The following GPR139 variants were observed in gnomAD, a reference collection of about 807,000 sequenced individuals.
GPR139 encodes the protein G protein-coupled receptor 139.
A neutral mutation model predicts 25.8 loss-of-function variants in GPR139; 12 were observed. The observed-to-expected ratio is 0.47, with a 90% confidence interval of 0.30 to 0.75. The LOEUF is 0.75. Among genes scored for constraint, GPR139 ranks in the 30% least tolerant of loss-of-function variants. The pLI is 0.07. For synonymous variants in GPR139, 184 were observed against 179.9 expected (o/e 1.02, Z -0.18); for missense variants, 380 against 450.2 (o/e 0.84, Z 1.41).
At position 20,029,989 on chromosome 16, in the gene GPR139, C is replaced by G. The variant is rs903900191; in HGVS notation, c.*1746G>C. 2.6e-5 allele frequency among the ~76,000 whole-genome samples: 4 copies of G among 152,122 alleles called. No individual in the cohort carries two copies. The highest frequency in any genetic ancestry group is 9.7e-5 in the African/African-American group (4 of 41,428). On this transcript the variant is annotated 3_prime_UTR_variant, in exon 2 of 2. Coordinates refer to ENST00000570682, the MANE Select transcript of GPR139 (RefSeq NM_001002911.4). The stretch of plus-strand genomic sequence containing the variant: ...TAACTTTGGCTCTGTAAGGTTTTAT[C>G]TTTTGCACTGACTTTAGAATCTAAT...
At chr16:20,058,881 G>A (rs545231375) in intron 1 of GPR139, among the ~76,000 whole-genome samples, 3 of 152,164 alleles carry the variant, frequency 2.0e-5, no homozygotes, top group Non-Finnish European at 4.4e-5. Context: ...CCACTGCTAC[G>A]ACTGGGAGGA....
intron 1 of GPR139, among the ~76,000 whole-genome samples, chr16:20,051,843 A>G (rs1176861990): frequency 2.0e-5 from 3 of 152,116 alleles, no homozygotes; most frequent in Admixed American, 1.3e-4. Flanking sequence ...TGTCACAGAG[A>G]AAAAGAAGCA....
chr16:20,052,146 G>A (rs56185318), intron 1 of GPR139, among the ~76,000 whole-genome samples: 80,811 of 151,974 alleles, frequency 0.53, 21,672 homozygotes, highest in South Asian at 0.62. Flanking sequence ...CTTTGCCTAC[G>A]CAGTTCTCTC....
intron 1 of GPR139, among the ~76,000 whole-genome samples, chr16:20,065,955 A>G (rs969537606): frequency 1.3e-5 from 2 of 152,006 alleles, no homozygotes; most frequent in African/African-American, 2.4e-5. Flanking sequence ...AGTAAGCACT[A>G]TAAGTGTGTC....
Position 20,072,884 on chromosome 16 carries a change from G to A in GPR139, c.127+606C>T, listed in dbSNP as rs145735010. 1.7e-3 allele frequency among the ~76,000 whole-genome samples: 255 copies of A among 152,316 alleles called. 4 individuals are homozygous for A. Among genetic ancestry groups the A allele is most frequent in the African/African-American group, 5.8e-3 (242 of 41,574 alleles). On this transcript the variant is annotated intron_variant, in intron 1 of 1. Transcript: ENST00000570682. ...TCTCTGCACCCTTGCCCTGGCCAGG[G>A]CATGGTCCCAGAGCCAACCCCTGAT... is the stretch of plus-strand genomic sequence containing the variant.
intron 1 of GPR139, among the ~76,000 whole-genome samples, chr16:20,035,789 A>G (rs1258800390): frequency 1.3e-5 from 2 of 152,198 alleles, no homozygotes; most frequent in African/African-American, 2.4e-5. Flanking sequence ...AAGTATGAAG[A>G]GTTGGGTTTA....
chr16:20,036,865 A>G (rs1000101837), intron 1 of GPR139, among the ~76,000 whole-genome samples: 1 of 152,168 alleles, frequency 6.6e-6, no homozygotes, highest in African/African-American at 2.4e-5. Flanking sequence ...GAAGTGTGGA[A>G]TGGATGGTAG....
chr16:20,055,690 AC>A (rs1254850311), intron 1 of GPR139, among the ~76,000 whole-genome samples: 13 of 152,360 alleles, frequency 8.5e-5, no homozygotes, highest in African/African-American at 3.1e-4. Context: ...ATTTCAGAAG[AC>A]AGAGATGACT....
intron 1 of GPR139, among the ~76,000 whole-genome samples, chr16:20,041,650 C>T (rs181463583): frequency 3.5e-4 from 54 of 152,198 alleles, no homozygotes; most frequent in African/African-American, 1.1e-3. Context: ...CCAGGAGGTT[C>T]GGTGTTGAGT....
chr16:20,072,978 AAG>A (rs1475210618), intron 1 of GPR139, among the ~76,000 whole-genome samples: 1 of 152,148 alleles, frequency 6.6e-6, no homozygotes, highest in Non-Finnish European at 1.5e-5. Flanking sequence ...CCCCCCGAGC[AAG>A]AGAGTGCTCA....
chr16:20,032,810 G>T, intron 1 of GPR139, 141 bp from the exon 2 acceptor site: 1 of 617,162 alleles, frequency 1.6e-6, no homozygotes. Context: ...GACAACCTCA[G>T]CATTACAAAT....
chr16:20,047,386 G>A (rs888292159), intron 1 of GPR139, among the ~76,000 whole-genome samples: 8 of 152,152 alleles, frequency 5.3e-5, no homozygotes, highest in East Asian at 3.9e-4. Context: ...GATTACAGGC[G>A]TGAGCCACTG....
Position 20,032,573 on chromosome 16 carries a change from A to G in GPR139, c.224T>C (p.Leu75Ser). 1 of 1,614,176 alleles carries G rather than the reference A, an allele frequency of 6.2e-7. No individual in the cohort carries two copies. Among genetic ancestry groups the G allele is most frequent in the Non-Finnish European group, 8.5e-7 (1 of 1,180,010 alleles). ...YLLALAAADI[L>S]VLFFIVFVDF... ...CACAAACACTATGAAAAAGAGGACC[A>G]AGATGTCGGCAGCAGCGAGTGCCAA... Residue 75 changes from leucine to serine, a missense_variant, in exon 2 of 2, where the codon TTG becomes TCG. Coordinates refer to ENST00000570682, the MANE Select transcript of GPR139 (RefSeq NM_001002911.4).
At chr16:20,067,995 T>G (rs1263354302) in intron 1 of GPR139, among the ~76,000 whole-genome samples, 2 of 151,732 alleles carry the variant, frequency 1.3e-5, no homozygotes, top group African/African-American at 2.4e-5. Flanking sequence ...AATGTGCTCA[T>G]TTTAGGGACA....
intron 1 of GPR139, among the ~76,000 whole-genome samples, chr16:20,055,621 A>G (rs1272683007): frequency 6.6e-6 from 1 of 152,266 alleles, no homozygotes; most frequent in African/African-American, 2.4e-5. Context: ...TTTATCTCCA[A>G]CATGGACAGC....
At chr16:20,037,278 C>T (rs191287425) in intron 1 of GPR139, among the ~76,000 whole-genome samples, 15 of 152,004 alleles carry the variant, frequency 9.9e-5, no homozygotes, top group Admixed American at 3.9e-4. Flanking sequence ...ATGGTGAAAC[C>T]CCACCTCTAC....
At chr16:20,069,128 A>T (rs1489156279) in intron 1 of GPR139, among the ~76,000 whole-genome samples, 1 of 152,222 alleles carries the variant, frequency 6.6e-6, no homozygotes, top group Non-Finnish European at 1.5e-5. Flanking sequence ...CTGGCGTCAC[A>T]AAGTGAGTTG....
chr16:20,053,637 A>G (rs946872303), intron 1 of GPR139, among the ~76,000 whole-genome samples: 2 of 152,230 alleles, frequency 1.3e-5, no homozygotes, highest in Non-Finnish European at 2.9e-5. Flanking sequence ...TAAGGAGATA[A>G]CGCATGTGAA....
At chr16:20,066,739 A>C (rs1165134431) in intron 1 of GPR139, among the ~76,000 whole-genome samples, 1 of 152,222 alleles carries the variant, frequency 6.6e-6, no homozygotes, top group Non-Finnish European at 1.5e-5. Context: ...GAAGGTTAAT[A>C]GCATTTATTG....
Sources: allele counts gnomAD v4.1 joint callset (sites outside exome capture counted in the v4.1 genomes callset), GRCh38; gene constraint gnomAD v4.1.1; transcripts MANE v1.5; gene names NCBI Gene and HGNC (gene_info 2026-07-23, HGNC 2026-07-21).